ARPC2: variants seen among roughly 807,000 people sequenced by gnomAD.
ARPC2 encodes actin related protein 2/3 complex subunit 2.
Under a neutral mutation model 38.6 loss-of-function variants are expected in ARPC2, and 4 were observed. The ratio of observed to expected loss-of-function variants is 0.10; its 90% confidence interval spans 0.05 to 0.24. The LOEUF is 0.24. Among genes scored for constraint, ARPC2 ranks in the 10% least tolerant of loss-of-function variants. The probability of loss-of-function intolerance (pLI) is 1.00; values close to 1 mark genes in which losing one functional copy is unlikely to be tolerated. For missense variants in ARPC2, 229 were observed against 387.3 expected (o/e 0.59, Z 3.43); for synonymous variants, 125 against 140.8 (o/e 0.89, Z 0.79).
At chr2:218,226,885 G>C in intron 3 of ARPC2, 2 of 357,758 alleles carry the variant, frequency 5.6e-6, no homozygotes, top group Admixed American at 5.5e-5. Context: ...CCTAGCACTA[G>C]AGTAGTAGGG....
chr2:218,217,480 C>T lies in ARPC2; in HGVS notation c.10C>T (p.Leu4=), dbSNP rs757000822. Reference sequence around the variant, plus strand: ...GGGGGCAGCCGCCGCCATGATCCTGCTGGAGGTGAACAACCGCATCATCGA... The same window carrying T: ...GGGGGCAGCCGCCGCCATGATCCTGTTGGAGGTGAACAACCGCATCATCGA... The part of the protein sequence containing the change: MIL[L]EVNNRIIEET... Residue 4 remains leucine (L), a synonymous_variant, in exon 2 of 11, where the codon CTG becomes TTG. Transcript: ENST00000315717. The T allele has an allele frequency of 1.9e-6, 3 of 1,613,932 alleles. No individual in the cohort carries two copies. In the South Asian group the frequency reaches 3.3e-5, roughly 18 times the overall value.
chr2:218,219,423 C>A (rs987624080), intron 2 of ARPC2, among the ~76,000 whole-genome samples: 7 of 151,542 alleles, frequency 4.6e-5, no homozygotes, highest in African/African-American at 1.7e-4. Context: ...GATCTCTGCT[C>A]ACTGCAACCT....
chr2:218,217,333 C>G, intron 1 of ARPC2, 79 bp downstream of exon 1: 1 of 727,090 alleles, frequency 1.4e-6, no homozygotes, highest in South Asian at 1.7e-5. Flanking sequence ...TCCACCCCGG[C>G]CCCTCTCCCC....
At chr2:218,227,677 A>AC (rs1171984492) in intron 3 of ARPC2, among the ~76,000 whole-genome samples, 2 of 145,304 alleles carry the variant, frequency 1.4e-5, no homozygotes, top group Non-Finnish European at 3.0e-5. Flanking sequence ...TGCAACCTCC[A>AC]CCCCCCGGGT....
chr2:218,230,612 G>A (rs904100588), intron 4 of ARPC2, among the ~76,000 whole-genome samples: 2 of 152,016 alleles, frequency 1.3e-5, no homozygotes, highest in East Asian at 3.9e-4. Flanking sequence ...TCGCTGCTTT[G>A]GATCAGCTAT....
Position 218,228,648 on chromosome 2 carries a change from T to C in ARPC2, c.110-90T>C, listed in dbSNP as rs745341168. 6.5e-5 allele frequency: 44 copies of C among 676,332 alleles called. 1 individual carries two copies. The highest frequency in any genetic ancestry group is 1.1e-4 in the Non-Finnish European group (42 of 388,980). The allele number at this position is 676,332 out of a possible 1,614,324, so 41.9% of individuals were successfully genotyped here. ...TACTTACATGCCTCCTTAAAAGTGGTCTTCCTTGTGGCCTACGGCAAGGTA... is the reference window on the plus strand; with the variant it reads ...TACTTACATGCCTCCTTAAAAGTGGCCTTCCTTGTGGCCTACGGCAAGGTA... On this transcript the variant is annotated intron_variant, in intron 3 of 10. Coordinates refer to ENST00000315717, the MANE Select transcript of ARPC2 (RefSeq NM_152862.3).
chr2:218,218,603 A>G (rs1459159281), intron 2 of ARPC2, among the ~76,000 whole-genome samples: 1 of 152,238 alleles, frequency 6.6e-6, no homozygotes, highest in Non-Finnish European at 1.5e-5. Flanking sequence ...TGGGTTTCAC[A>G]GTTAATAAGT....
At chr2:218,234,521 TC>T (rs1689721398) in intron 5 of ARPC2, 124 bp downstream of exon 5, 1 of 827,346 alleles carries the variant, frequency 1.2e-6, no homozygotes, top group Non-Finnish European at 1.9e-6. Flanking sequence ...ATGAGCCCAT[TC>T]CTAATTTCAA....
intron 8 of ARPC2, among the ~76,000 whole-genome samples, chr2:218,248,233 T>C (rs13392177): frequency 0.41 from 62,304 of 152,188 alleles, 14,846 homozygotes; most frequent in South Asian, 0.61. Flanking sequence ...CTTTGAAGTA[T>C]AGTTGTCTTC....
In ARPC2 at chr2:218,249,223, C is replaced by T; in HGVS notation, c.677-141C>T. 6.6e-6 allele frequency: 4 copies of T among 609,716 alleles called. No homozygotes were observed. The South Asian group carries it at 8.2e-5, about 13-fold the overall frequency. The allele number at this position is 609,716 out of a possible 1,614,324, so 37.8% of individuals were successfully genotyped here. ...GTTTAACTTCCATGTCAAGAAAAAA[C>T]CCTGACAAAGCCTGGTAATACTGAC... On this transcript the variant is annotated intron_variant, in intron 8 of 10. Transcript: ENST00000315717.
chr2:218,230,299 T>C (rs1381667163), intron 4 of ARPC2, among the ~76,000 whole-genome samples: 10 of 134,416 alleles, frequency 7.4e-5, no homozygotes, highest in Admixed American at 4.4e-4. Flanking sequence ...TTTTTTTTTT[T>C]TTTTTTTTTT....
At chr2:218,229,000 TTG>T in intron 4 of ARPC2, 150 bp downstream of exon 4, 1 of 529,962 alleles carries the variant, frequency 1.9e-6, no homozygotes, top group East Asian at 3.2e-5. Flanking sequence ...CTATAATGAA[TTG>T]TGTTTCCTAG....
intron 10 of ARPC2, chr2:218,252,940 TGCA>T (rs1313912683): frequency 2.2e-6 from 1 of 456,806 alleles, no homozygotes; most frequent in Non-Finnish European, 4.4e-6. Flanking sequence ...TCTTCTGTGC[TGCA>T]GCTTCTCTTT....
intron 7 of ARPC2, among the ~76,000 whole-genome samples, chr2:218,243,185 A>G (rs1574590557): frequency 6.6e-6 from 1 of 152,206 alleles, no homozygotes; most frequent in East Asian, 1.9e-4. Context: ...CAGTGGTCCC[A>G]GTGGCAATTA....
intron 2 of ARPC2, among the ~76,000 whole-genome samples, chr2:218,221,777 T>C (rs776657137): frequency 6.6e-6 from 1 of 152,262 alleles, no homozygotes; most frequent in South Asian, 2.1e-4. Flanking sequence ...TATTTTGATA[T>C]ATGGCTTAGT....
At chr2:218,237,262 C>T (rs1052706359) in intron 5 of ARPC2, among the ~76,000 whole-genome samples, 9 of 152,082 alleles carry the variant, frequency 5.9e-5, no homozygotes, top group African/African-American at 9.7e-5. Context: ...TGCCGTGGCG[C>T]GATCTCAGCT....
chr2:218,242,097 A>G (rs1689929637), intron 7 of ARPC2, among the ~76,000 whole-genome samples: 1 of 152,162 alleles, frequency 6.6e-6, no homozygotes, highest in Non-Finnish European at 1.5e-5. Context: ...TCCAGCATGC[A>G]CATCCAGCCT....
chr2:218,239,094 T>C (rs1689847738), intron 6 of ARPC2: 1 of 567,632 alleles, frequency 1.8e-6, no homozygotes, highest in African/African-American at 1.9e-5. Flanking sequence ...GCACCACTGT[T>C]CTGAGTCATG....
At chr2:218,223,559 C>T (rs760168114) in intron 2 of ARPC2, among the ~76,000 whole-genome samples, 5 of 152,234 alleles carry the variant, frequency 3.3e-5, no homozygotes, top group Non-Finnish European at 7.3e-5. Flanking sequence ...GGAACATATC[C>T]CCCACAGATA....
Sources: allele counts gnomAD v4.1 joint callset (sites outside exome capture counted in the v4.1 genomes callset), GRCh38; gene constraint gnomAD v4.1.1; transcripts MANE v1.5; gene names NCBI Gene and HGNC (gene_info 2026-07-23, HGNC 2026-07-21).